GOLM2: variants seen among roughly 807,000 people sequenced by gnomAD.
GOLM2 encodes the protein protein GOLM2.
In GOLM2, 26 loss-of-function variants were observed where a neutral mutation model predicts 55.9. That is an observed-to-expected ratio of 0.47 (90% confidence interval 0.34 to 0.65). The LOEUF is 0.65. GOLM2 is among the 30% of genes least tolerant of loss of function. The pLI is 0.01. For missense variants in GOLM2, 486 were observed against 531.8 expected (o/e 0.91, Z 0.85); for synonymous variants, 165 against 194.6 (o/e 0.85, Z 1.27).
intron 6 of GOLM2, among the ~76,000 whole-genome samples, chr15:44,343,989 G>A (rs1421210264): frequency 1.8e-4 from 28 of 151,732 alleles, no homozygotes. Context: ...AGTGGCTCAC[G>A]TCTGTAATCT....
intron 8 of GOLM2, chr15:44,382,089 G>A (rs2079407143): frequency 6.6e-6 from 1 of 151,786 alleles, no homozygotes; most frequent in African/African-American, 2.4e-5. Context: ...GAAATTCCTT[G>A]ATATTTTAAA....
chr15:44,359,021 G>T (rs1412753621), intron 6 of GOLM2, among the ~76,000 whole-genome samples: 1 of 151,858 alleles, frequency 6.6e-6, no homozygotes, highest in Non-Finnish European at 1.5e-5. Context: ...GCTGGGCGTG[G>T]TGCCGGGCGC....
At chr15:44,302,489 C>A (rs1397752865) in intron 1 of GOLM2, among the ~76,000 whole-genome samples, 1 of 146,824 alleles carries the variant, frequency 6.8e-6, no homozygotes. Context: ...TGTGAATTTT[C>A]TTTCTTTCCT....
At chr15:44,365,542 A>C (rs2079277853) in intron 6 of GOLM2, among the ~76,000 whole-genome samples, 1 of 152,306 alleles carries the variant, frequency 6.6e-6, no homozygotes, top group Non-Finnish European at 1.5e-5. Flanking sequence ...ACTTGAAAAA[A>C]ATTAAATGCA....
chr15:44,301,352 T>A (rs2078796081), intron 1 of GOLM2, among the ~76,000 whole-genome samples: 1 of 152,240 alleles, frequency 6.6e-6, no homozygotes, highest in South Asian at 2.1e-4. Context: ...TACCCATTTA[T>A]CTTGGTTATC....
At chr15:44,396,105 A>T (rs920732674) in intron 8 of GOLM2, among the ~76,000 whole-genome samples, 1 of 152,140 alleles carries the variant, frequency 6.6e-6, no homozygotes, top group Non-Finnish European at 1.5e-5. Flanking sequence ...CTGTAATCCC[A>T]GCACTTTGGG....
intron 5 of GOLM2, 101 bp downstream of exon 5, chr15:44,338,008 T>C: frequency 8.4e-7 from 1 of 1,185,822 alleles, no homozygotes; most frequent in East Asian, 2.5e-5. Flanking sequence ...ATTGTTTGAT[T>C]TTAGTTCACA....
chr15:44,390,668 C>T (rs2079481502), intron 8 of GOLM2, among the ~76,000 whole-genome samples: 1 of 151,960 alleles, frequency 6.6e-6, no homozygotes, highest in Middle Eastern at 3.4e-3. Flanking sequence ...CTCCCAGGTT[C>T]AAGTGATTCT....
chr15:44,331,881 C>A, intron 3 of GOLM2, 107 bp from the exon 4 acceptor site: 1 of 743,506 alleles, frequency 1.3e-6, no homozygotes, highest in Non-Finnish European at 2.3e-6. Flanking sequence ...CCCACTCTCC[C>A]CTGCTAACTG....
intron 2 of GOLM2, among the ~76,000 whole-genome samples, chr15:44,326,642 T>C: frequency 6.6e-6 from 1 of 151,108 alleles, no homozygotes; most frequent in East Asian, 1.9e-4. Flanking sequence ...TATTTTTATT[T>C]TTTTATTTAT....
At chr15:44,319,498 G>A (rs1415265909) in intron 1 of GOLM2, among the ~76,000 whole-genome samples, 3 of 152,156 alleles carry the variant, frequency 2.0e-5, no homozygotes, top group African/African-American at 7.2e-5. Context: ...GGGATTATAG[G>A]CATGAGCCAC....
chr15:44,347,473 G>A (rs568034514), intron 6 of GOLM2, among the ~76,000 whole-genome samples: 6 of 152,302 alleles, frequency 3.9e-5, no homozygotes, highest in Admixed American at 3.9e-4. Flanking sequence ...ACACTGAGCA[G>A]AACTCAGCCA....
chr15:44,350,003 G>C (rs975865162), intron 6 of GOLM2, among the ~76,000 whole-genome samples: 1 of 151,948 alleles, frequency 6.6e-6, no homozygotes, highest in Non-Finnish European at 1.5e-5. Flanking sequence ...AGAACTAAGA[G>C]GGAAGTTTAT....
chr15:44,313,404 CT>C (rs1284023400), intron 1 of GOLM2, among the ~76,000 whole-genome samples: 1 of 152,170 alleles, frequency 6.6e-6, no homozygotes, highest in African/African-American at 2.4e-5. Context: ...TTCTTGGCTT[CT>C]TATCTCTCAG....
chr15:44,330,515 A>AAG (rs887895177), intron 3 of GOLM2, among the ~76,000 whole-genome samples: 10 of 128,722 alleles, frequency 7.8e-5, no homozygotes, highest in South Asian at 2.4e-4. Flanking sequence ...CTCCATCTGG[A>AAG]AAAAAAAAAA....
intron 4 of GOLM2, among the ~76,000 whole-genome samples, chr15:44,336,011 C>T (rs1255283585): frequency 9.9e-5 from 15 of 151,728 alleles, no homozygotes; most frequent in African/African-American, 3.6e-4. Context: ...GACGGGGTTT[C>T]GCCATGTTGG....
chr15:44,375,924 T>C (rs974879958), intron 6 of GOLM2, among the ~76,000 whole-genome samples: 22 of 152,146 alleles, frequency 1.4e-4, no homozygotes. Flanking sequence ...TGCTGAGCTA[T>C]ATTTATTGGC....
At chr15:44,365,925 T>G (rs773591338) in intron 6 of GOLM2, among the ~76,000 whole-genome samples, 5 of 152,208 alleles carry the variant, frequency 3.3e-5, no homozygotes, top group African/African-American at 4.8e-5. Flanking sequence ...GGGGAGGCTA[T>G]CCATGGCCAT....
At chr15:44,345,275 A>T (rs957833652) in intron 6 of GOLM2, among the ~76,000 whole-genome samples, 2 of 147,448 alleles carry the variant, frequency 1.4e-5, no homozygotes, top group Non-Finnish European at 3.0e-5. Context: ...ACATCCAGCT[A>T]ATTTTTTTTT....
Sources: gnomAD v4.1 joint callset for allele counts (sites outside exome capture counted in the v4.1 genomes callset) on GRCh38, gnomAD v4.1.1 for gene constraint, MANE v1.5 for transcripts, NCBI Gene and HGNC (gene_info 2026-07-23, HGNC 2026-07-21) for gene names.